Variants in DMD observed in about 807,000 individuals in gnomAD.
The protein encoded by DMD is dystrophin, also known as mutant dystrophin.
Under a neutral mutation model 330.1 loss-of-function variants are expected in DMD, and 63 were observed. The observed-to-expected ratio is 0.19, with a 90% CI of 0.16 to 0.24. The LOEUF is 0.24. Among genes scored for constraint, DMD ranks in the 10% least tolerant of loss-of-function variants. DMD has a pLI of 1.00. For missense variants in DMD, 3,344 were observed against 2,684.1 expected (o/e 1.25, Z -5.43); for synonymous variants, 1,223 against 959.8 (o/e 1.27, Z -5.07).
chrX:32,133,954 T>C (rs1472538414), intron 44 of DMD, among the ~76,000 whole-genome samples: 1 of 111,574 alleles, frequency 9.0e-6, no homozygotes, highest in Non-Finnish European at 1.9e-5. Flanking sequence ...GAATTCTGCA[T>C]TGACTGTTTA....
At chrX:31,362,183 C>T (rs2058973114) in intron 60 of DMD, among the ~76,000 whole-genome samples, 1 of 112,250 alleles carries the variant, frequency 8.9e-6, no homozygotes, top group Admixed American at 9.4e-5. Flanking sequence ...GTGAATTTTG[C>T]ATGAGTAAAG....
At chrX:32,784,039 G>T (rs2075139294) in intron 7 of DMD, among the ~76,000 whole-genome samples, 1 of 110,179 alleles carries the variant, frequency 9.1e-6, no homozygotes, top group Non-Finnish European at 1.9e-5. Context: ...GAACTCATCT[G>T]TGTGTTTAGA....
At chrX:31,729,858 T>TA in intron 51 of DMD, 110 bp from the exon 52 acceptor site, 1 of 626,545 alleles carries the variant, frequency 1.6e-6, no homozygotes, top group South Asian at 2.4e-5. Flanking sequence ...CTTTTAGAAA[T>TA]AAAAAAGATG....
intron 16 of DMD, among the ~76,000 whole-genome samples, chrX:32,550,622 T>A (rs1441205381): frequency 1.0e-4 from 11 of 108,675 alleles, no homozygotes; most frequent in Non-Finnish European, 1.9e-5. Flanking sequence ...AGACAGGAAA[T>A]AACCAAAATC....
At chrX:33,199,226 G>C (rs1025546143) in intron 1 of DMD, among the ~76,000 whole-genome samples, 1 of 111,515 alleles carries the variant, frequency 9.0e-6, no homozygotes, top group African/African-American at 3.3e-5. Flanking sequence ...AGAGAAACTG[G>C]AAAGGAAAGG....
At chrX:32,454,531 T>A in intron 26 of DMD, 131 bp downstream of exon 26, 1 of 509,674 alleles carries the variant, frequency 2.0e-6, no homozygotes, top group Non-Finnish European at 3.1e-6. Context: ...TTAAAATTAT[T>A]AATTAAAAAT....
intron 7 of DMD, among the ~76,000 whole-genome samples, chrX:32,798,281 T>C (rs2076316883): frequency 9.0e-6 from 1 of 111,550 alleles, no homozygotes; most frequent in African/African-American, 3.3e-5. Flanking sequence ...GAACAAAAAT[T>C]GCTTTCATTT....
intron 43 of DMD, 89 bp downstream of exon 43, chrX:32,287,440 T>C: frequency 1.1e-6 from 1 of 927,056 alleles, no homozygotes; most frequent in Non-Finnish European, 1.5e-6. Flanking sequence ...CCCTGTCTTT[T>C]TTCCATGGAG....
chrX:31,826,749 C>T (rs1033936591), intron 49 of DMD, among the ~76,000 whole-genome samples: 80 of 112,033 alleles, frequency 7.1e-4, no homozygotes, highest in African/African-American at 2.5e-3. Context: ...ATTTAAATAG[C>T]GTATCAGTGG....
In DMD at chrX:32,397,657, G is replaced by C. The variant is rs542738110; in HGVS notation, c.4234-7476C>G. Among the ~76,000 whole-genome samples the C allele has an allele frequency of 7.2e-5, 8 of 111,511 alleles. No individual in the cohort carries two copies. The South Asian group carries it at 2.9e-3, about 41-fold the overall frequency. ...ATTTTTCCATTGAATATGGTAAAGG[G>C]CAAAATTATAGAACCAAAAAATCAT... On this transcript the variant is annotated intron_variant, in intron 30 of 78. Coordinates refer to ENST00000357033, the MANE Select transcript of DMD (RefSeq NM_004006.3).
At chrX:32,517,168 A>G (rs1039259487) in intron 18 of DMD, 5 of 111,994 alleles carry the variant, frequency 4.5e-5, no homozygotes, top group African/African-American at 1.6e-4. Context: ...AAGCAGAGCT[A>G]ATATACACAT....
intron 60 of DMD, among the ~76,000 whole-genome samples, chrX:31,393,492 C>CG (rs1351249925): frequency 9.7e-5 from 7 of 72,426 alleles, no homozygotes; most frequent in African/African-American, 5.4e-4. Context: ...AAAAAAAAAA[C>CG]AAAAAAAAAA....
At chrX:32,897,091 A>T (rs2085788764) in intron 2 of DMD, among the ~76,000 whole-genome samples, 1 of 82,523 alleles carries the variant, frequency 1.2e-5, no homozygotes, top group Non-Finnish European at 2.4e-5. Context: ...TGGGCATTTT[A>T]TGCGTTTTTT....
intron 63 of DMD, among the ~76,000 whole-genome samples, chrX:31,232,089 A>C (rs868613943): frequency 4.9e-5 from 5 of 101,477 alleles, no homozygotes; most frequent in African/African-American, 1.9e-4. Flanking sequence ...GTTAAAAAAA[A>C]AAAAAAAAAA....
chrX:33,154,802 A>G (rs2048431236), intron 1 of DMD, among the ~76,000 whole-genome samples: 1 of 111,944 alleles, frequency 8.9e-6, no homozygotes, highest in South Asian at 3.7e-4. Context: ...AGGCAAGCCC[A>G]TTTTACAATC....
intron 12 of DMD, among the ~76,000 whole-genome samples, chrX:32,610,438 TCA>T (rs761708250): frequency 9.0e-6 from 1 of 111,476 alleles, no homozygotes; most frequent in Non-Finnish European, 1.9e-5. Context: ...TCCTGACATT[TCA>T]CAGTGTCTGA....
intron 7 of DMD, among the ~76,000 whole-genome samples, chrX:32,782,199 A>G (rs183968031): frequency 8.9e-6 from 1 of 112,023 alleles, no homozygotes; most frequent in East Asian, 2.8e-4. Flanking sequence ...TTCTTTTCTC[A>G]TATATGTATT....
At chrX:31,853,936 G>T (rs2093572505) in intron 48 of DMD, among the ~76,000 whole-genome samples, 1 of 111,842 alleles carries the variant, frequency 8.9e-6, no homozygotes, top group African/African-American at 3.3e-5. Context: ...ATCTCGATTT[G>T]TTTCCTTCCT....
At chrX:32,398,606 G>GTA (rs1478631845) in intron 30 of DMD, among the ~76,000 whole-genome samples, 13 of 111,461 alleles carry the variant, frequency 1.2e-4, no homozygotes, top group African/African-American at 3.9e-4. Context: ...TGGACATTGT[G>GTA]TATAATTATT....
Sources: allele counts gnomAD v4.1 joint callset (sites outside exome capture counted in the v4.1 genomes callset), GRCh38; gene constraint gnomAD v4.1.1; transcripts MANE v1.5; gene names NCBI Gene and HGNC (gene_info 2026-07-23, HGNC 2026-07-21).